SDK1: variants seen among roughly 807,000 people sequenced by gnomAD.
SDK1 encodes protein sidekick-1.
Under a neutral mutation model 245.5 loss-of-function variants are expected in SDK1, and 157 were observed. The ratio of observed to expected loss-of-function variants is 0.64; its 90% CI spans 0.56 to 0.73. The LOEUF is 0.73. SDK1 is among the 30% of genes least tolerant of loss of function. SDK1 has a pLI of 0.00. For synonymous variants in SDK1, 1,647 were observed against 1,278.5 expected (o/e 1.29, Z -6.15); for missense variants, 3,583 against 3,002.3 (o/e 1.19, Z -4.52).
At chr7:4,102,978 C>G (rs1353428450) in intron 22 of SDK1, among the ~76,000 whole-genome samples, 35 of 135,866 alleles carry the variant, frequency 2.6e-4, no homozygotes, top group African/African-American at 9.4e-4. Flanking sequence ...AAAAAAAAAG[C>G]CGTTCAAAAT....
At chr7:3,466,865 A>T (rs1380136197) in intron 1 of SDK1, among the ~76,000 whole-genome samples, 1 of 151,972 alleles carries the variant, frequency 6.6e-6, no homozygotes, top group Non-Finnish European at 1.5e-5. Context: ...TTAAATTGAT[A>T]CTGAATGACT....
chr7:3,469,298 G>T (rs946702624), intron 1 of SDK1, among the ~76,000 whole-genome samples: 4 of 152,266 alleles, frequency 2.6e-5, no homozygotes, highest in Non-Finnish European at 5.9e-5. Context: ...AGGGGTGGTA[G>T]CACACACTTG....
chr7:3,942,854 A>G (rs1780418957), intron 5 of SDK1, among the ~76,000 whole-genome samples: 1 of 152,194 alleles, frequency 6.6e-6, no homozygotes, highest in Non-Finnish European at 1.5e-5. Context: ...ATGTCTATTT[A>G]TGTGGTTCAT....
At chr7:4,111,423 C>T (rs1026488631) in intron 23 of SDK1, among the ~76,000 whole-genome samples, 3 of 151,426 alleles carry the variant, frequency 2.0e-5, no homozygotes, top group Non-Finnish European at 4.4e-5. Context: ...ACATTTCATA[C>T]GATTGGAGAA....
chr7:3,807,206 G>A (rs1779272710), intron 4 of SDK1, among the ~76,000 whole-genome samples: 1 of 152,168 alleles, frequency 6.6e-6, no homozygotes, highest in Admixed American at 6.5e-5. Flanking sequence ...TCATAGCTCT[G>A]CCTCTTATTA....
chr7:3,975,594 G>A (rs1782859771), intron 13 of SDK1, among the ~76,000 whole-genome samples: 1 of 152,212 alleles, frequency 6.6e-6, no homozygotes, highest in African/African-American at 2.4e-5. Flanking sequence ...CTAAGCATGT[G>A]GCTTCTGTGT....
chr7:4,073,755 G>C (rs1244613373), intron 20 of SDK1, among the ~76,000 whole-genome samples: 1 of 152,086 alleles, frequency 6.6e-6, no homozygotes, highest in African/African-American at 2.4e-5. Flanking sequence ...TTGAGAGCAG[G>C]GTCTCGTGCA....
chr7:4,259,142 A>C (rs552487809), intron 44 of SDK1, among the ~76,000 whole-genome samples: 1 of 152,332 alleles, frequency 6.6e-6, no homozygotes, highest in South Asian at 2.1e-4. Context: ...ACAGATGAAG[A>C]ATAAATCTTA....
In SDK1 at chr7:3,355,403, A is replaced by G. The variant is rs540756905; in HGVS notation, c.298+53519A>G. Among the ~76,000 whole-genome samples, 10 of 152,058 alleles carry G rather than the reference A, an allele frequency of 6.6e-5. 1 individual carries two copies. The South Asian group carries it at 2.1e-3, about 32-fold the overall frequency. Reference sequence around the variant, plus strand: ...CGATCGTAGCTCGCCATGGCCTCCAACTCCTGTGCTCAAGCAGTCTTCCTG... The same window carrying G: ...CGATCGTAGCTCGCCATGGCCTCCAGCTCCTGTGCTCAAGCAGTCTTCCTG... On this transcript the variant is annotated intron_variant, in intron 1 of 44. Coordinates refer to ENST00000404826, the MANE Select transcript of SDK1 (RefSeq NM_152744.4).
chr7:3,533,551 A>G (rs979631666), intron 1 of SDK1, among the ~76,000 whole-genome samples: 12 of 152,362 alleles, frequency 7.9e-5, no homozygotes, highest in African/African-American at 2.6e-4. Context: ...GAAATCAGTT[A>G]TCCCTATAAG....
intron 5 of SDK1, among the ~76,000 whole-genome samples, chr7:3,913,336 C>A (rs1465863490): frequency 2.7e-5 from 4 of 150,658 alleles, no homozygotes; most frequent in Non-Finnish European, 5.9e-5. Flanking sequence ...CTCTGTCACC[C>A]AGGCTGGAGT....
intron 1 of SDK1, among the ~76,000 whole-genome samples, chr7:3,378,779 C>T (rs1554502): frequency 0.49 from 72,956 of 147,988 alleles, 18,837 homozygotes; most frequent in South Asian, 0.63. Context: ...GAGCATATAG[C>T]GGGGCAGGGT....
intron 1 of SDK1, among the ~76,000 whole-genome samples, chr7:3,440,728 A>G (rs189320351): frequency 3.9e-5 from 6 of 152,338 alleles, no homozygotes; most frequent in Non-Finnish European, 7.3e-5. Flanking sequence ...GATTAAGAAC[A>G]AATCTATCCA....
At chr7:3,645,383 G>C (rs10245071) in intron 4 of SDK1, among the ~76,000 whole-genome samples, 1 of 151,872 alleles carries the variant, frequency 6.6e-6, no homozygotes, top group Non-Finnish European at 1.5e-5. Context: ...CTTTAGTTTC[G>C]TATTTTCCAC....
chr7:3,727,782 C>T (rs544703026), intron 4 of SDK1, among the ~76,000 whole-genome samples: 13 of 152,234 alleles, frequency 8.5e-5, no homozygotes, highest in South Asian at 4.1e-4. Context: ...TGAGCCACCG[C>T]GCCCGGCCGA....
At chr7:3,390,473 A>C (rs369758094) in intron 1 of SDK1, among the ~76,000 whole-genome samples, 17 of 152,322 alleles carry the variant, frequency 1.1e-4, no homozygotes, top group Admixed American at 4.6e-4. Flanking sequence ...TACCGAGTTA[A>C]ATAGTGTCAC....
In SDK1 at chr7:4,184,298, C is replaced by T. The variant is rs375791148; in HGVS notation, c.5098+5712C>T. ...CCATAGGTAAGCGTGCAGGTCCAAG[C>T]GTCGGCTCTACTGTTTACTGCCTGT... On this transcript the variant is annotated intron_variant, in intron 35 of 44. Coordinates refer to ENST00000404826, the MANE Select transcript of SDK1 (RefSeq NM_152744.4). Among the ~76,000 whole-genome samples the T allele has an allele frequency of 6.0e-4, 92 of 152,314 alleles. 1 individual carries two copies. The highest frequency in any genetic ancestry group is 2.1e-3 in the African/African-American group (88 of 41,568).
At chr7:4,184,215 A>C (rs1288063266) in intron 35 of SDK1, among the ~76,000 whole-genome samples, 1 of 152,206 alleles carries the variant, frequency 6.6e-6, no homozygotes, top group Admixed American at 6.5e-5. Flanking sequence ...GAGCACCACA[A>C]ACTCGTGGGC....
Position 3,537,682 on chromosome 7 carries a change from G to T in SDK1, c.299-81398G>T, listed in dbSNP as rs529966175. Among the ~76,000 whole-genome samples the T allele has an allele frequency of 1.1e-4, 16 of 152,334 alleles. No individual in the cohort carries two copies. In the South Asian group the frequency reaches 1.7e-3, roughly 16 times the overall value. On this transcript the variant is annotated intron_variant, in intron 1 of 44. Transcript: ENST00000404826. ...TAAGCAGGCTGCTGACTGCGCCCTGGATGTGGGATGATCTGTCTGTGCTGT... is the reference window on the plus strand; with the variant it reads ...TAAGCAGGCTGCTGACTGCGCCCTGTATGTGGGATGATCTGTCTGTGCTGT...
Sources: allele counts gnomAD v4.1 joint callset (sites outside exome capture counted in the v4.1 genomes callset), GRCh38; gene constraint gnomAD v4.1.1; transcripts MANE v1.5; gene names NCBI Gene and HGNC (gene_info 2026-07-23, HGNC 2026-07-21).